CHRM5: variants seen among roughly 807,000 people sequenced by gnomAD.
CHRM5 encodes the protein cholinergic receptor muscarinic 5.
A neutral mutation model predicts 39.0 loss-of-function variants in CHRM5; 18 were observed. The observed-to-expected ratio is 0.46, with a 90% CI of 0.32 to 0.68. The LOEUF is 0.68. Among genes scored for constraint, CHRM5 ranks in the 30% least tolerant of loss-of-function variants. The probability of loss-of-function intolerance (pLI) is 0.04; values close to 1 mark genes in which losing one functional copy is unlikely to be tolerated. For synonymous variants in CHRM5, 241 were observed against 246.3 expected (o/e 0.98, Z 0.20); for missense variants, 515 against 651.1 (o/e 0.79, Z 2.28).
Position 34,064,195 on chromosome 15 carries a change from T to A in CHRM5, c.1478T>A (p.Ile493Asn). 1.2e-6 allele frequency: 2 copies of A among 1,614,202 alleles called. No homozygotes were observed. Among genetic ancestry groups the A allele is most frequent in the Non-Finnish European group, 1.7e-6 (2 of 1,180,036 alleles). ...LCYVNSTVNPICYALCNRTFR... is the reference protein window; with the variant it reads ...LCYVNSTVNPNCYALCNRTFR... The stretch of plus-strand genomic sequence containing the variant: ...TATGTCAATAGCACTGTCAACCCCA[T>A]CTGCTATGCCCTCTGCAACAGAACC... Residue 493 changes from isoleucine (I) to asparagine (N), a missense_variant, in exon 3 of 3, where the codon ATC becomes AAC. By Grantham distance (149) the Ile-to-Asn change is moderately radical (BLOSUM62 -3). Transcript: ENST00000383263.
At chr15:34,031,720 T>C (rs1160806724) in intron 1 of CHRM5, among the ~76,000 whole-genome samples, 8 of 152,184 alleles carry the variant, frequency 5.3e-5, no homozygotes, top group Admixed American at 5.2e-4. Context: ...GCAGTGTTGT[T>C]CTTCACAGGA....
intron 1 of CHRM5, among the ~76,000 whole-genome samples, chr15:33,997,599 C>G (rs1896988149): frequency 1.3e-5 from 2 of 152,172 alleles, no homozygotes; most frequent in African/African-American, 4.8e-5. Context: ...CTCTCCAACT[C>G]ACACTTTCTC....
At chr15:33,973,818 G>A (rs767022345) in intron 1 of CHRM5, among the ~76,000 whole-genome samples, 1 of 152,208 alleles carries the variant, frequency 6.6e-6, no homozygotes, top group African/African-American at 2.4e-5. Context: ...GTAAGCTCAG[G>A]ACTAGTTAAT....
chr15:34,035,565 TC>T (rs1438705205), intron 1 of CHRM5, among the ~76,000 whole-genome samples: 16 of 152,238 alleles, frequency 1.1e-4, no homozygotes, highest in African/African-American at 3.4e-4. Context: ...AAAAGTTATT[TC>T]ACCTCTCCTA....
intron 1 of CHRM5, among the ~76,000 whole-genome samples, chr15:33,989,170 A>G (rs1415620749): frequency 6.6e-6 from 1 of 152,174 alleles, no homozygotes; most frequent in Non-Finnish European, 1.5e-5. Context: ...AAGCTAAATA[A>G]AAGAGAAGAT....
intron 2 of CHRM5, among the ~76,000 whole-genome samples, chr15:34,048,398 G>C (rs1331107534): frequency 6.9e-6 from 1 of 144,320 alleles, no homozygotes; most frequent in Non-Finnish European, 1.5e-5. Context: ...GACAAGGAAG[G>C]GTCCCCCACA....
intron 1 of CHRM5, among the ~76,000 whole-genome samples, chr15:34,020,516 A>C (rs187890423): frequency 6.6e-6 from 1 of 152,326 alleles, no homozygotes; most frequent in East Asian, 1.9e-4. Flanking sequence ...TGTTAACTAA[A>C]GGGTTAATGC....
intron 1 of CHRM5, among the ~76,000 whole-genome samples, chr15:34,020,324 A>G (rs990691468): frequency 6.6e-6 from 1 of 152,170 alleles, no homozygotes; most frequent in African/African-American, 2.4e-5. Flanking sequence ...AAAAAAAGAA[A>G]AAAAAATAGA....
intron 1 of CHRM5, among the ~76,000 whole-genome samples, chr15:34,042,210 G>C (rs1292938731): frequency 2.0e-5 from 3 of 152,098 alleles, no homozygotes; most frequent in African/African-American, 7.2e-5. Flanking sequence ...ATCTTTTCTG[G>C]TATTGCTTTT....
intron 1 of CHRM5, among the ~76,000 whole-genome samples, chr15:33,981,292 T>C (rs1242443747): frequency 2.0e-5 from 3 of 152,322 alleles, no homozygotes; most frequent in East Asian, 1.9e-4. Flanking sequence ...CTTGAGTTAT[T>C]AGCAGTCAAG....
At chr15:34,041,696 A>T (rs1899481662) in intron 1 of CHRM5, among the ~76,000 whole-genome samples, 1 of 152,206 alleles carries the variant, frequency 6.6e-6, no homozygotes, top group South Asian at 2.1e-4. Context: ...TGCACCTGAT[A>T]CTATTCTAAG....
At chr15:34,036,487 A>G (rs1238189643) in intron 1 of CHRM5, among the ~76,000 whole-genome samples, 2 of 152,210 alleles carry the variant, frequency 1.3e-5, no homozygotes, top group South Asian at 2.1e-4. Context: ...CAAATGCACC[A>G]TGGGATATGA....
intron 1 of CHRM5, among the ~76,000 whole-genome samples, chr15:34,013,035 T>C (rs1409731433): frequency 6.6e-6 from 1 of 151,908 alleles, no homozygotes; most frequent in African/African-American, 2.4e-5. Flanking sequence ...CTGACCAGTG[T>C]CTCCTCCTAT....
At chr15:33,999,324 G>A (rs569559843) in intron 1 of CHRM5, among the ~76,000 whole-genome samples, 9 of 152,270 alleles carry the variant, frequency 5.9e-5, no homozygotes, top group South Asian at 2.1e-4. Flanking sequence ...CATCTCTGCC[G>A]CTACTTGCCC....
chr15:34,047,813 A>G (rs1484147881), intron 2 of CHRM5, among the ~76,000 whole-genome samples: 2 of 152,034 alleles, frequency 1.3e-5, no homozygotes, highest in South Asian at 2.1e-4. Flanking sequence ...CAATGGCGCA[A>G]TCTCGGCTTA....
intron 1 of CHRM5, among the ~76,000 whole-genome samples, chr15:33,997,518 C>T (rs1327067908): frequency 6.6e-6 from 1 of 152,058 alleles, no homozygotes; most frequent in Non-Finnish European, 1.5e-5. Flanking sequence ...ATATCATTAC[C>T]GTCATCCGCA....
chr15:34,039,468 C>T (rs929750334), intron 1 of CHRM5, among the ~76,000 whole-genome samples: 10 of 152,152 alleles, frequency 6.6e-5, no homozygotes, highest in African/African-American at 2.2e-4. Flanking sequence ...CAAATACATA[C>T]TAAAATGTTA....
At chr15:34,061,613 C>A (rs944077127) in intron 2 of CHRM5, among the ~76,000 whole-genome samples, 1 of 152,138 alleles carries the variant, frequency 6.6e-6, no homozygotes, top group Non-Finnish European at 1.5e-5. Flanking sequence ...TTAGAGGAGA[C>A]TTTTGCTTTC....
At chr15:33,981,769 C>T (rs1173587510) in intron 1 of CHRM5, among the ~76,000 whole-genome samples, 2 of 152,154 alleles carry the variant, frequency 1.3e-5, no homozygotes, top group African/African-American at 4.8e-5. Flanking sequence ...CACTGAAGGG[C>T]TATTTTGAAT....
Sources: allele counts gnomAD v4.1 joint callset (sites outside exome capture counted in the v4.1 genomes callset), GRCh38; gene constraint gnomAD v4.1.1; transcripts MANE v1.5; gene names NCBI Gene and HGNC (gene_info 2026-07-23, HGNC 2026-07-21).